HCFC1: variants seen among roughly 807,000 people sequenced by gnomAD.
HCFC1 encodes the protein host cell factor C1.
Under a neutral mutation model 105.5 loss-of-function variants are expected in HCFC1, and 7 were observed. The ratio of observed to expected loss-of-function variants is 0.07; its 90% confidence interval spans 0.04 to 0.12. HCFC1 has a LOEUF of 0.12. HCFC1 is among the 10% of genes least tolerant of loss of function. The pLI, the probability that HCFC1 is intolerant of heterozygous loss-of-function variation, is 1.00. For missense variants in HCFC1, 1,065 were observed against 1,823.6 expected (o/e 0.58, Z 7.58); for synonymous variants, 918 against 828.1 (o/e 1.11, Z -1.86).
intron 23 of HCFC1, 76 bp downstream of exon 23, chrX:153,950,737 C>A: frequency 9.6e-7 from 1 of 1,041,052 alleles, no homozygotes; most frequent in Non-Finnish European, 1.3e-6. Context: ...CTCCTATGCC[C>A]CCCCCCGGCC....
chrX:153,970,802 C>T lies in HCFC1; in HGVS notation c.39G>A (p.Val13=), dbSNP rs782179125. 2 of 1,179,639 alleles carry T rather than the reference C, an allele frequency of 1.7e-6. No individual in the cohort carries two copies. Among genetic ancestry groups the T allele is most frequent in the South Asian group, 3.8e-5 (2 of 53,304 alleles). ...SAVSPANLPA[V]LLQPRWKRVV... ...CTCGCTTCCAGCGGGGCTGCAGAAG[C>T]ACCGCTGGCAAGTTGGCGGGCGACA... The change falls in exon 1 of 26, where the codon GTG becomes GTA. Residue 13 remains valine (V), a synonymous_variant. Coordinates refer to ENST00000310441, the MANE Select transcript of HCFC1 (RefSeq NM_005334.3).
Position 153,957,765 on chromosome X carries a change from A to G in HCFC1, c.2133+17T>C, listed in dbSNP as rs1312970052. 1 of 1,160,705 alleles carries G rather than the reference A, an allele frequency of 8.6e-7. No individual in the cohort carries two copies. The highest frequency in any genetic ancestry group is 1.8e-5 in the South Asian group (1 of 55,387). Reference sequence around the variant, plus strand: ...CAGGCCCCCACTCTTGCGTATGTGCAAAGACTGAGAGCTCACCTGGATGAT... The same window carrying G: ...CAGGCCCCCACTCTTGCGTATGTGCGAAGACTGAGAGCTCACCTGGATGAT... On this transcript the variant is annotated intron_variant, in intron 12 of 25. Coordinates refer to ENST00000310441, the MANE Select transcript of HCFC1 (RefSeq NM_005334.3).
chrX:153,952,389 C>T (rs782010217), intron 19 of HCFC1, 125 bp downstream of exon 19: 2 of 889,914 alleles, frequency 2.2e-6, no homozygotes, highest in East Asian at 6.9e-5. Context: ...CCCCTGTGCT[C>T]GTCCTCCCCA....
intron 17 of HCFC1, 59 bp downstream of exon 17, chrX:153,954,007 G>C: frequency 8.9e-7 from 1 of 1,128,151 alleles, no homozygotes; most frequent in Non-Finnish European, 1.2e-6. Flanking sequence ...TCGTTGTCTT[G>C]GCCTTTCAGC....
At position 153,949,731 on chromosome X, in the gene HCFC1, G is replaced by A. The variant is rs2065292135; in HGVS notation, c.6005-115C>T. ...GTGCCACATGGCATGACCCGCAGCT[G>A]GCAAGGGTGGGGCGCCTGCCCTATG... On this transcript the variant is annotated intron_variant, in intron 24 of 25. Transcript: ENST00000310441. 5 of 680,747 alleles carry A rather than the reference G, an allele frequency of 7.3e-6. 1 individual carries two copies. In the Middle Eastern group the frequency reaches 1.1e-3, roughly 157 times the overall value. 56.1% of individuals were successfully genotyped at this position (680,747 alleles called of 1,213,427 possible). A position where few individuals can be genotyped will look rare whatever the true frequency, so the allele number is the denominator to read the frequency against.
chrX:153,954,769 C>G lies in HCFC1; in HGVS notation c.3630G>C (p.Gln1210His). 1 of 1,171,714 alleles carries G rather than the reference C, an allele frequency of 8.5e-7. No homozygotes were observed. The highest frequency in any genetic ancestry group is 1.1e-6 in the Non-Finnish European group (1 of 875,912). Residue 1210 changes from glutamine to histidine, a missense_variant, in exon 17 of 26, where the codon CAG (glutamine) becomes CAC (histidine). This residue lies in a region of HCFC1 where 546 missense variants were observed against 599.9 expected (regional missense o/e 0.91). Coordinates refer to ENST00000310441, the MANE Select transcript of HCFC1 (RefSeq NM_005334.3). Reference protein sequence around the residue: ...EPGGRSPAFVQLAPLSSKVRL... With the variant: ...EPGGRSPAFVHLAPLSSKVRL... ...TGACTTTGCTGCTCAGAGGGGCCAACTGCACAAAAGCAGGGCTGCGGCCCC... is the reference window on the plus strand; with the variant it reads ...TGACTTTGCTGCTCAGAGGGGCCAAGTGCACAAAAGCAGGGCTGCGGCCCC...
chrX:153,950,100 C>A lies in HCFC1; in HGVS notation c.6004+143G>T, dbSNP rs782376567. 9.2e-4 allele frequency: 568 copies of A among 620,049 alleles called. No individual in the cohort carries two copies. The highest frequency in any genetic ancestry group is 1.1e-3 in the Non-Finnish European group (470 of 423,934). The allele number at this position is 620,049 out of a possible 1,213,427, so 51.1% of individuals were successfully genotyped here. On this transcript the variant is annotated intron_variant, in intron 24 of 25. Transcript: ENST00000310441. ...GTCCCCTGCTCTACTTGATGGCCAC[C>A]CCCGTGGGGGGCTGTGTGCGCGCCA...
Position 153,963,314 on chromosome X carries a change from T to C in HCFC1, c.623A>G (p.Tyr208Cys). The C allele has an allele frequency of 8.3e-7, 1 of 1,210,169 alleles. No individual in the cohort carries two copies. The highest frequency in any genetic ancestry group is 3.0e-5 in the East Asian group (1 of 33,846). The change falls in exon 4 of 26, where the codon TAC (tyrosine) becomes TGC (cysteine). Residue 208 changes from tyrosine to cysteine, a missense_variant. Transcript: ENST00000310441. Reference sequence around the variant, plus strand: ...GGACTTCTTATTGTCTTTTTCGGTGTAGACCACGGCAGTATGTGACTCCCG... The same window carrying C: ...GGACTTCTTATTGTCTTTTTCGGTGCAGACCACGGCAGTATGTGACTCCCG... ...PPRESHTAVV[Y>C]TEKDNKKSKL...
In HCFC1 at chrX:153,954,599, C is replaced by T; in HGVS notation, c.3800G>A (p.Ser1267Asn). The T allele has an allele frequency of 4.1e-6, 5 of 1,209,292 alleles. No homozygotes were observed. Among genetic ancestry groups the T allele is most frequent in the Non-Finnish European group, 5.6e-6 (5 of 894,028 alleles). ...VCESLQGGSPSTTVTVTALEA... is the reference protein window; with the variant it reads ...VCESLQGGSPNTTVTVTALEA... ...CAGGGCTGTCACAGTCACTGTGGTGCTGGGCGAGCCACCCTGGAGGCTCTC... is the reference window on the plus strand; with the variant it reads ...CAGGGCTGTCACAGTCACTGTGGTGTTGGGCGAGCCACCCTGGAGGCTCTC... Residue 1267 changes from serine to asparagine, a missense_variant, in exon 17 of 26, where the codon AGC becomes AAC. Around this residue, in one of 17 missense-constraint regions of HCFC1, gnomAD observed 546 missense variants for 599.9 expected, o/e 0.91. Coordinates refer to ENST00000310441, the MANE Select transcript of HCFC1 (RefSeq NM_005334.3).
In HCFC1 at chrX:153,950,315, C is replaced by T. The variant is rs2148556115; in HGVS notation, c.5932G>A (p.Ala1978Thr). 1 of 1,208,695 alleles carries T rather than the reference C, an allele frequency of 8.3e-7. No homozygotes were observed. The highest frequency in any genetic ancestry group is 1.1e-6 in the Non-Finnish European group (1 of 894,169). ...NAHIDYTTKP[A>T]IIFRIAARNE... is the part of the protein sequence containing the mutation. ...CGGGCGGCGATGCGGAAGATGATGG[C>T]GGGCTTGGTGGTGTAGTCGATGTGG... The change falls in exon 24 of 26, where the codon GCC becomes ACC. Residue 1978 changes from alanine (A) to threonine (T), a missense_variant. By Grantham distance (58) the Ala-to-Thr change is moderately conservative. This residue lies in a region of HCFC1 where 32 missense variants were observed against 68.3 expected (regional missense o/e 0.47). Transcript: ENST00000310441.
chrX:153,953,104 G>A (rs938354238), intron 18 of HCFC1, 146 bp from the exon 19 acceptor site: 24 of 538,475 alleles, frequency 4.5e-5, no homozygotes, highest in Non-Finnish European at 7.4e-5. Context: ...GAAAGGGAGA[G>A]AAGCCCCTGT....
chrX:153,963,085 T>C, intron 4 of HCFC1, 140 bp downstream of exon 4: 1 of 503,580 alleles, frequency 2.0e-6, no homozygotes, highest in Non-Finnish European at 3.5e-6. Context: ...TGGCCCACCA[T>C]GACAAGAGGA....
chrX:153,950,734 G>GCC (rs377247620), intron 23 of HCFC1, 79 bp downstream of exon 23: 6 of 983,049 alleles, frequency 6.1e-6, no homozygotes, highest in South Asian at 2.1e-5. Context: ...GCTCTCCTAT[G>GCC]CCCCCCCCCG....
In HCFC1 at chrX:153,953,588, C is replaced by T. The variant is rs377461547; in HGVS notation, c.4497+19G>A. The stretch of plus-strand genomic sequence containing the variant: ...TAGGCCGGGAAGGCGGGGAAGAACA[C>T]GGCCCCCTGGGCTCTTACCGGCACA... On this transcript the variant is annotated intron_variant, in intron 18 of 25. Transcript: ENST00000310441. The T allele has an allele frequency of 3.8e-5, 46 of 1,197,953 alleles. No homozygotes were observed. The highest frequency in any genetic ancestry group is 5.0e-5 in the Non-Finnish European group (44 of 888,437).
intron 24 of HCFC1, 111 bp downstream of exon 24, chrX:153,950,132 G>T: frequency 1.2e-6 from 1 of 818,443 alleles, no homozygotes; most frequent in Non-Finnish European, 1.7e-6. Context: ...GCCAAAGGAA[G>T]CAGGGAGACG....
At chrX:153,970,042 G>C (rs186563089) in intron 1 of HCFC1, 9 of 112,806 alleles carry the variant, frequency 8.0e-5, no homozygotes, top group African/African-American at 2.9e-4. Flanking sequence ...TGCGTCCTAA[G>C]AGCGCTTCCC....
At chrX:153,952,282 G>A (rs2065320884) in intron 19 of HCFC1, 124 bp from the exon 20 acceptor site, 5 of 1,045,266 alleles carry the variant, frequency 4.8e-6, no homozygotes, top group Non-Finnish European at 6.2e-6. Flanking sequence ...TCCACTGTAG[G>A]CTAAGCCCTG....
At chrX:153,959,570 A>G in intron 8 of HCFC1, 79 bp from the exon 9 acceptor site, 1 of 1,111,672 alleles carries the variant, frequency 9.0e-7, no homozygotes, top group Non-Finnish European at 1.2e-6. Flanking sequence ...GCCCTGAGCC[A>G]CTTCTGTTGG....
chrX:153,963,982 C>T lies in HCFC1; in HGVS notation c.503+142G>A, dbSNP rs185639375. 839 of 461,828 alleles carry T rather than the reference C, an allele frequency of 1.8e-3. 1 individual carries two copies. Among genetic ancestry groups the T allele is most frequent in the Non-Finnish European group, 2.6e-3 (760 of 294,276 alleles). 38.1% of individuals were successfully genotyped at this position (461,828 alleles called of 1,213,427 possible). A position where few individuals can be genotyped will look rare whatever the true frequency, so the allele number is the denominator to read the frequency against. ...AAGCTCCTGAGAGGGCATCCGGTGCCGCTCTCTCATTTACAACCCAGCACG... is the reference window on the plus strand; with the variant it reads ...AAGCTCCTGAGAGGGCATCCGGTGCTGCTCTCTCATTTACAACCCAGCACG... On this transcript the variant is annotated intron_variant, in intron 3 of 25. Transcript: ENST00000310441.
Sources: gnomAD v4.1 joint callset for allele counts on GRCh38, gnomAD v4.1.1 for gene constraint, gnomAD v4.1.1 regional missense constraint, MANE v1.5 for transcripts, NCBI Gene and HGNC (gene_info 2026-07-23, HGNC 2026-07-21) for gene names.